DNAJC10: variants seen among roughly 807,000 people sequenced by gnomAD.
The protein encoded by DNAJC10 is endoplasmic reticulum disulfide reductase DNAJC10.
DNAJC10 carries 101 observed loss-of-function variants against 115.0 expected under a neutral mutation model. The ratio of observed to expected loss-of-function variants is 0.88; its 90% CI spans 0.75 to 1.04. The LOEUF (loss-of-function observed/expected upper bound fraction) is 1.04, where lower values mean the gene tolerates loss of function less well. DNAJC10 is among the 50% of genes least tolerant of loss of function. The pLI is 0.00. For synonymous variants in DNAJC10, 307 were observed against 301.5 expected (o/e 1.02, Z -0.19); for missense variants, 981 against 928.8 (o/e 1.06, Z -0.73).
chr2:182,776,651 AC>A (rs965185038), intron 23 of DNAJC10, among the ~76,000 whole-genome samples: 5 of 152,180 alleles, frequency 3.3e-5, no homozygotes, highest in Non-Finnish European at 7.4e-5. Context: ...CTTACAACCT[AC>A]CTCAAGAATA....
intron 17 of DNAJC10, among the ~76,000 whole-genome samples, chr2:182,756,092 C>G (rs1694149097): frequency 6.6e-6 from 1 of 152,078 alleles, no homozygotes; most frequent in Non-Finnish European, 1.5e-5. Context: ...TTGAGCACCC[C>G]TAATCCAAAA....
At chr2:182,737,975 T>C (rs1693629316) in intron 11 of DNAJC10, among the ~76,000 whole-genome samples, 1 of 152,206 alleles carries the variant, frequency 6.6e-6, no homozygotes, top group Non-Finnish European at 1.5e-5. Flanking sequence ...AGATTCTATT[T>C]TGTAATCTAG....
At chr2:182,741,378 T>C in intron 13 of DNAJC10, 22 bp downstream of exon 13, 1 of 1,254,136 alleles carries the variant, frequency 8.0e-7, no homozygotes, top group Non-Finnish European at 1.1e-6. Flanking sequence ...GTATTCTGCC[T>C]AGCCTTCTGC....
At chr2:182,754,386 A>G (rs1694104349) in intron 16 of DNAJC10, among the ~76,000 whole-genome samples, 1 of 152,180 alleles carries the variant, frequency 6.6e-6, no homozygotes, top group Admixed American at 6.5e-5. Flanking sequence ...TAACTTTTTG[A>G]AAAATAAAAA....
chr2:182,719,798 CTTTTTTTTTT>C (rs35682380), intron 3 of DNAJC10, among the ~76,000 whole-genome samples, 199 bp from the exon 4 acceptor site: 2 of 122,200 alleles, frequency 1.6e-5, no homozygotes, highest in African/African-American at 6.2e-5. Context: ...ACTTTTCTTA[CTTTTTTTTTT>C]TTTTTTTTGA....
intron 14 of DNAJC10, among the ~76,000 whole-genome samples, chr2:182,746,448 T>A (rs1475567140): frequency 6.6e-6 from 1 of 152,140 alleles, no homozygotes; most frequent in Non-Finnish European, 1.5e-5. Context: ...AGATGGTATC[T>A]CATTGTCATT....
At chr2:182,748,684 C>T (rs1462470452) in intron 14 of DNAJC10, among the ~76,000 whole-genome samples, 1 of 151,814 alleles carries the variant, frequency 6.6e-6, no homozygotes, top group Non-Finnish European at 1.5e-5. Flanking sequence ...AAAACCAGCT[C>T]CTCTTTCTGC....
At chr2:182,766,743 A>G (rs1044707355) in intron 22 of DNAJC10, among the ~76,000 whole-genome samples, 5 of 152,180 alleles carry the variant, frequency 3.3e-5, no homozygotes, top group African/African-American at 1.2e-4. Flanking sequence ...GCACCCCTCC[A>G]GCAGGGAAGT....
chr2:182,746,898 A>C (rs1355253476), intron 14 of DNAJC10, among the ~76,000 whole-genome samples: 1 of 151,702 alleles, frequency 6.6e-6, no homozygotes, highest in African/African-American at 2.4e-5. Flanking sequence ...ATCTTGAATT[A>C]ATTTTTGTAT....
At chr2:182,729,770 C>A in intron 7 of DNAJC10, 78 bp from the exon 8 acceptor site, 5 of 898,368 alleles carry the variant, frequency 5.6e-6, no homozygotes, top group East Asian at 2.6e-5. Context: ...ATGTAAAAAT[C>A]AAACTCTTTG....
intron 22 of DNAJC10, among the ~76,000 whole-genome samples, chr2:182,763,256 T>G (rs1008020435): frequency 4.6e-5 from 7 of 152,164 alleles, no homozygotes; most frequent in Non-Finnish European, 1.5e-5. Context: ...GCTTCCTTTG[T>G]GGGGAGGAAA....
Position 182,720,035 on chromosome 2 carries a change from T to C in DNAJC10, c.233T>C (p.Leu78Ser). The C allele has an allele frequency of 3.8e-6, 6 of 1,576,888 alleles. No individual in the cohort carries two copies. Among genetic ancestry groups the C allele is most frequent in the Non-Finnish European group, 4.3e-6 (5 of 1,153,934 alleles). The change falls in exon 4 of 24, where the codon TTA (leucine) becomes TCA (serine). Residue 78 changes from leucine (L) to serine (S), a missense_variant. Leu to Ser is a moderately radical substitution (Grantham distance 145, BLOSUM62 -2). Transcript: ENST00000264065. ...AACCCAAATGCACATGGCGATTTTTTAAAAATAAATAGAGCATATGAAGTA... is the reference window on the plus strand; with the variant it reads ...AACCCAAATGCACATGGCGATTTTTCAAAAATAAATAGAGCATATGAAGTA... Reference protein sequence around the residue: ...PNNPNAHGDFLKINRAYEVLK... With the variant: ...PNNPNAHGDFSKINRAYEVLK...
chr2:182,774,844 T>C (rs1215294438), intron 22 of DNAJC10, among the ~76,000 whole-genome samples: 2 of 152,218 alleles, frequency 1.3e-5, no homozygotes, highest in Admixed American at 6.5e-5. Flanking sequence ...CCCTGGCGTC[T>C]TCTCGCCCTC....
At position 182,717,068 on chromosome 2, in the gene DNAJC10, C is replaced by T. The variant is rs1219651175; in HGVS notation, c.-151C>T. ...TATTAGAAATGAGCTGAAGACCATTCACAGGTAAAGAGAAAAATTTTTAAA... is the reference window on the plus strand; with the variant it reads ...TATTAGAAATGAGCTGAAGACCATTTACAGGTAAAGAGAAAAATTTTTAAA... On this transcript the variant is annotated 5_prime_UTR_variant, in exon 2 of 24. Transcript: ENST00000264065. The T allele has an allele frequency of 1.3e-5, 2 of 152,116 alleles. No individual in the cohort carries two copies. The highest frequency in any genetic ancestry group is 1.9e-4 in the East Asian group (1 of 5,196). The allele number at this position is 152,116 out of a possible 1,614,324, so 9.4% of individuals were successfully genotyped here.
chr2:182,770,745 A>G (rs902090934), intron 22 of DNAJC10, among the ~76,000 whole-genome samples: 5 of 152,212 alleles, frequency 3.3e-5, no homozygotes, highest in African/African-American at 1.2e-4. Flanking sequence ...CAATCATGTC[A>G]TCTGCATACA....
rs557639336 is a variant in DNAJC10, at chr2:182,727,496, C to G, written c.419-1080C>G. Among the ~76,000 whole-genome samples, 14 of 152,180 alleles carry G rather than the reference C, an allele frequency of 9.2e-5. 1 individual carries two copies. Among genetic ancestry groups the G allele is most frequent in the African/African-American group, 3.4e-4 (14 of 41,514 alleles). On this transcript the variant is annotated intron_variant, in intron 5 of 23. Transcript: ENST00000264065. Reference sequence around the variant, plus strand: ...CCAATATGGCAATTTTTTCGACCACCTCTATAGAATGGTCATTTGCCAGAC... The same window carrying G: ...CCAATATGGCAATTTTTTCGACCACGTCTATAGAATGGTCATTTGCCAGAC...
At chr2:182,770,003 G>A (rs1410366692) in intron 22 of DNAJC10, among the ~76,000 whole-genome samples, 2 of 152,186 alleles carry the variant, frequency 1.3e-5, no homozygotes, top group Admixed American at 6.5e-5. Flanking sequence ...TGTATAAGGT[G>A]TAAGGAAGGG....
rs1213395407 is a variant in DNAJC10, at chr2:182,793,530, C to G, written c.*16398C>G. 1 of 152,012 alleles carries G rather than the reference C, an allele frequency of 6.6e-6. No homozygotes were observed. Among genetic ancestry groups the G allele is most frequent in the African/African-American group, 2.4e-5 (1 of 41,374 alleles). The allele number at this position is 152,012 out of a possible 1,614,324, so 9.4% of individuals were successfully genotyped here. A position where few individuals can be genotyped will look rare whatever the true frequency, so the allele number is the denominator to read the frequency against. ...GAGGTATGCAGTGAACATTCATAGA[C>G]AGAAAACAAAAATTAAGTACAGAAA... On this transcript the variant is annotated 3_prime_UTR_variant, in exon 24 of 24. Coordinates refer to ENST00000264065, the MANE Select transcript of DNAJC10 (RefSeq NM_018981.4).
In DNAJC10 at chr2:182,728,902, A is replaced by G; in HGVS notation, c.541A>G (p.Ile181Val). Reference sequence around the variant, plus strand: ...TAAAGAAGTGGATGGGTTACTTCGAATTGGAGCTGTTAACTGTGGTGATGA... The same window carrying G: ...TAAAGAAGTGGATGGGTTACTTCGAGTTGGAGCTGTTAACTGTGGTGATGA... ...FAKEVDGLLR[I>V]GAVNCGDDRM... The change falls in exon 7 of 24, where the codon ATT becomes GTT. Residue 181 changes from isoleucine (I) to valine (V), a missense_variant. Ile to Val is a conservative substitution (Grantham distance 29, BLOSUM62 3). Coordinates refer to ENST00000264065, the MANE Select transcript of DNAJC10 (RefSeq NM_018981.4). 1 of 1,614,082 alleles carries G rather than the reference A, an allele frequency of 6.2e-7. No homozygotes were observed. Among genetic ancestry groups the G allele is most frequent in the Non-Finnish European group, 8.5e-7 (1 of 1,179,954 alleles).
Sources: allele counts gnomAD v4.1 joint callset (sites outside exome capture counted in the v4.1 genomes callset), GRCh38; gene constraint gnomAD v4.1.1; transcripts MANE v1.5; gene names NCBI Gene and HGNC (gene_info 2026-07-23, HGNC 2026-07-21).